The following L3MBTL1 variants were observed in gnomAD, a reference collection of about 807,000 sequenced individuals.
L3MBTL1 encodes the protein L3MBTL histone methyl-lysine binding protein 1, also known as lethal(3)malignant brain tumor-like protein 1.
Under a neutral mutation model 105.3 loss-of-function variants are expected in L3MBTL1, and 75 were observed. The ratio of observed to expected loss-of-function variants is 0.71; its 90% CI spans 0.59 to 0.86. The LOEUF is 0.86. Among genes scored for constraint, L3MBTL1 ranks in the 40% least tolerant of loss-of-function variants. L3MBTL1 has a pLI of 0.00. For missense variants in L3MBTL1, 1,069 were observed against 1,126.4 expected (o/e 0.95, Z 0.73); for synonymous variants, 452 against 436.2 (o/e 1.04, Z -0.45).
At chr20:43,532,633 T>C (rs974797671) in intron 11 of L3MBTL1, 140 bp from the exon 12 acceptor site, 15 of 925,076 alleles carry the variant, frequency 1.6e-5, no homozygotes, top group Non-Finnish European at 2.3e-5. Context: ...GGGCCCTCTT[T>C]CCCAGCTTAT....
At chr20:43,547,715 G>A (rs1012467732) in intron 18 of L3MBTL1, among the ~76,000 whole-genome samples, 3 of 152,174 alleles carry the variant, frequency 2.0e-5, no homozygotes, top group Non-Finnish European at 4.4e-5. Flanking sequence ...GCAGCACTAA[G>A]GTTGACCAAT....
intron 7 of L3MBTL1, among the ~76,000 whole-genome samples, chr20:43,518,057 T>C (rs1568919380): frequency 6.6e-6 from 1 of 152,222 alleles, no homozygotes; most frequent in Non-Finnish European, 1.5e-5. Flanking sequence ...AAATCAACAT[T>C]CTTTTAGCTG....
chr20:43,515,016 C>A lies in L3MBTL1; in HGVS notation c.510C>A (p.His170Gln). Residue 170 changes from histidine (H) to glutamine (Q), a missense_variant, in exon 5 of 22, where the codon CAC becomes CAA. By Grantham distance (24) the His-to-Gln change is conservative. Transcript: ENST00000418998. ...GEAGPQQAED[H>Q]PQNPPEDPNQ... ...CCCATTTGGCCCCCGCAGAGGACCA[C>A]CCCCAGAATCCTCCAGAAGATCCCA... 1 of 1,613,790 alleles carries A rather than the reference C, an allele frequency of 6.2e-7. No homozygotes were observed. The highest frequency in any genetic ancestry group is 1.7e-5 in the Admixed American group (1 of 59,996).
rs760642328 is a variant in L3MBTL1, at chr20:43,514,720, A to G, written c.446A>G (p.Glu149Gly). 5.1e-6 allele frequency: 8 copies of G among 1,579,446 alleles called. No individual in the cohort carries two copies. Among genetic ancestry groups the G allele is most frequent in the Admixed American group, 1.9e-5 (1 of 53,538 alleles). The change falls in exon 4 of 22, where the codon GAA (glutamate) becomes GGA (glycine). Residue 149 changes from glutamate to glycine, a missense_variant. By Grantham distance (98) the Glu-to-Gly change is moderately conservative. Coordinates refer to ENST00000418998, the MANE Select transcript of L3MBTL1 (RefSeq NM_001377303.1). ...GAGCTGCGGCAGGAAGGCGTGACCGAATACGAAGATGGCGGGGCCCCGGCG... is the reference window on the plus strand; with the variant it reads ...GAGCTGCGGCAGGAAGGCGTGACCGGATACGAAGATGGCGGGGCCCCGGCG... ...SPELRQEGVT[E>G]YEDGGAPAGD...
Position 43,513,549 on chromosome 20 carries a change from C to G in L3MBTL1, c.46C>G (p.Pro16Ala), listed in dbSNP as rs770916333. 6.4e-7 allele frequency: 1 copy of G among 1,550,626 alleles called. No homozygotes were observed. Among genetic ancestry groups the G allele is most frequent in the South Asian group, 1.2e-5 (1 of 84,068 alleles). ...GGAGATGCTGAGGACACTGAAGGGG[C>G]CTTCCACAGGGGAGGTCAGCATGCA... ...EMEMLRTLKGPSTGEVSMHLV... is the reference protein window; with the variant it reads ...EMEMLRTLKGASTGEVSMHLV... The change falls in exon 2 of 22, where the codon CCT (proline) becomes GCT (alanine). Residue 16 changes from proline (P) to alanine (A), a missense_variant. Coordinates refer to ENST00000418998, the MANE Select transcript of L3MBTL1 (RefSeq NM_001377303.1).
intron 7 of L3MBTL1, among the ~76,000 whole-genome samples, chr20:43,526,644 A>C (rs1023411132): frequency 2.0e-4 from 31 of 152,210 alleles, no homozygotes; most frequent in African/African-American, 7.2e-4. Context: ...ACAGTGTCTG[A>C]GGAATTTAGG....
chr20:43,541,348 A>T lies in L3MBTL1; in HGVS notation c.*220A>T. 1 of 816,576 alleles carries T rather than the reference A, an allele frequency of 1.2e-6. No homozygotes were observed. 50.6% of individuals were successfully genotyped at this position (816,576 alleles called of 1,614,324 possible). A position where few individuals can be genotyped will look rare whatever the true frequency, so the allele number is the denominator to read the frequency against. The stretch of plus-strand genomic sequence containing the variant: ...AGCTGTTTACTGTCTCTGAGCCTAC[A>T]TCTTCTTGTCTGTAAAATGGAGATA... On this transcript the variant is annotated 3_prime_UTR_variant, in exon 22 of 22. Transcript: ENST00000418998.
At chr20:43,512,650 T>C (rs962604316) in intron 1 of L3MBTL1, among the ~76,000 whole-genome samples, 9 of 152,250 alleles carry the variant, frequency 5.9e-5, no homozygotes, top group Non-Finnish European at 1.5e-5. Flanking sequence ...TTGGACATTC[T>C]CATTATCACA....
rs17857202 is a variant in L3MBTL1, at chr20:43,514,690, G to A, written c.416G>A (p.Ser139Asn). 3 of 1,587,078 alleles carry A rather than the reference G, an allele frequency of 1.9e-6. No individual in the cohort carries two copies. The highest frequency in any genetic ancestry group is 1.7e-6 in the Non-Finnish European group (2 of 1,167,024). Residue 139 changes from serine (S) to asparagine (N), a missense_variant, in exon 4 of 22, where the codon AGC (serine) becomes AAC (asparagine). By Grantham distance (46) the Ser-to-Asn change is conservative (BLOSUM62 1). Coordinates refer to ENST00000418998, the MANE Select transcript of L3MBTL1 (RefSeq NM_001377303.1). ...LNMAGVEQPP[S>N]PELRQEGVTE... Reference sequence around the variant, plus strand: ...ATGGCGGGAGTGGAGCAGCCCCCGAGCCCCGAGCTGCGGCAGGAAGGCGTG... The same window carrying A: ...ATGGCGGGAGTGGAGCAGCCCCCGAACCCCGAGCTGCGGCAGGAAGGCGTG...
At position 43,540,178 on chromosome 20, in the gene L3MBTL1, C is replaced by T. The variant is rs761736597; in HGVS notation, c.2201C>T (p.Ser734Phe). 1 of 1,613,188 alleles carries T rather than the reference C, an allele frequency of 6.2e-7. No homozygotes were observed. The highest frequency in any genetic ancestry group is 1.1e-5 in the South Asian group (1 of 91,088). Residue 734 changes from serine (S) to phenylalanine (F), a missense_variant, in exon 20 of 22, where the codon TCC becomes TTC. Physicochemically the swap from Ser to Phe is radical, Grantham distance 155. Coordinates refer to ENST00000418998, the MANE Select transcript of L3MBTL1 (RefSeq NM_001377303.1). The stretch of plus-strand genomic sequence containing the variant: ...CTCACGCCCGATGTCGTGCACCAGT[C>T]CCTCTTCATGTCAGCCCTGTCGGCC... ...QTLTPDVVHQ[S>F]LFMSALSAHP...
chr20:43,516,557 A>C (rs945848940), intron 7 of L3MBTL1, among the ~76,000 whole-genome samples: 1 of 152,136 alleles, frequency 6.6e-6, no homozygotes, highest in Non-Finnish European at 1.5e-5. Flanking sequence ...TTGGAACCCT[A>C]TTCTCACTCT....
chr20:43,521,817 A>C (rs931604963), intron 7 of L3MBTL1, among the ~76,000 whole-genome samples: 2 of 152,192 alleles, frequency 1.3e-5, no homozygotes, highest in Non-Finnish European at 2.9e-5. Flanking sequence ...CCTTCTGAGT[A>C]GCTGGGACTG....
chr20:43,546,631 GCT>G (rs2145506895), downstream of L3MBTL1, among the ~76,000 whole-genome samples: 1 of 152,146 alleles, frequency 6.6e-6, no homozygotes, highest in South Asian at 2.1e-4. Flanking sequence ...GCGTCCCCCA[GCT>G]CAGTCTCTTG....
intron 7 of L3MBTL1, among the ~76,000 whole-genome samples, chr20:43,517,513 C>T (rs2018464908): frequency 6.6e-6 from 1 of 152,216 alleles, no homozygotes; most frequent in South Asian, 2.1e-4. Flanking sequence ...AGGGATCCTC[C>T]TGCCCCAGCC....
In L3MBTL1 at chr20:43,514,660, T is replaced by C. The variant is rs1428653395; in HGVS notation, c.386T>C (p.Leu129Pro). Residue 129 changes from leucine (L) to proline (P), a missense_variant, in exon 4 of 22, where the codon CTG becomes CCG. By Grantham distance (98) the Leu-to-Pro change is moderately conservative (BLOSUM62 -3). Coordinates refer to ENST00000418998, the MANE Select transcript of L3MBTL1 (RefSeq NM_001377303.1). Reference sequence around the variant, plus strand: ...TTCCGGATAAGCGAGTATAAGCCGCTGAACATGGCGGGAGTGGAGCAGCCC... The same window carrying C: ...TTCCGGATAAGCGAGTATAAGCCGCCGAACATGGCGGGAGTGGAGCAGCCC... ...LRFRISEYKPLNMAGVEQPPS... is the reference protein window; with the variant it reads ...LRFRISEYKPPNMAGVEQPPS... 6.3e-7 allele frequency: 1 copy of C among 1,596,090 alleles called. No homozygotes were observed. Among genetic ancestry groups the C allele is most frequent in the East Asian group, 2.3e-5 (1 of 44,160 alleles).
intron 7 of L3MBTL1, among the ~76,000 whole-genome samples, chr20:43,527,444 G>A (rs1388369698): frequency 6.6e-6 from 1 of 152,172 alleles, no homozygotes; most frequent in African/African-American, 2.4e-5. Context: ...CTCCACCTCA[G>A]GTTAGATTGA....
chr20:43,519,224 C>G (rs746338917), intron 7 of L3MBTL1, among the ~76,000 whole-genome samples: 2 of 151,356 alleles, frequency 1.3e-5, no homozygotes, highest in African/African-American at 2.4e-5. Context: ...GTGGTCCCAG[C>G]TACTCGGGAG....
chr20:43,537,712 T>C (rs772283380), intron 19 of L3MBTL1, among the ~76,000 whole-genome samples: 5 of 152,166 alleles, frequency 3.3e-5, no homozygotes, highest in Non-Finnish European at 7.4e-5. Flanking sequence ...GACGCCTCAG[T>C]TGAATGGAAT....
chr20:43,540,129 A>G, intron 19 of L3MBTL1, 22 bp from the exon 20 acceptor site: 1 of 1,608,890 alleles, frequency 6.2e-7, no homozygotes, highest in Non-Finnish European at 8.5e-7. Flanking sequence ...TTGGCCTGCC[A>G]GCCTCTGCCT....
Sources: allele counts gnomAD v4.1 joint callset (sites outside exome capture counted in the v4.1 genomes callset), GRCh38; gene constraint gnomAD v4.1.1; transcripts MANE v1.5; gene names NCBI Gene and HGNC (gene_info 2026-07-23, HGNC 2026-07-21).